PRKDC: variants seen among roughly 807,000 people sequenced by gnomAD.
PRKDC encodes the protein protein kinase, DNA-activated, catalytic subunit, also known as DNA-dependent protein kinase catalytic subunit.
Under a neutral mutation model 486.9 loss-of-function variants are expected in PRKDC, and 82 were observed. The observed-to-expected ratio is 0.17, with a 90% CI of 0.14 to 0.20. The LOEUF (loss-of-function observed/expected upper bound fraction) is 0.20, where lower values mean the gene tolerates loss of function less well. PRKDC is among the 10% of genes least tolerant of loss of function. The pLI is 1.00. For synonymous variants in PRKDC, 1,895 were observed against 1,837.0 expected, an observed-to-expected ratio of 1.03 and a Z score of -0.81; for missense variants, 4,504 against 5,038.2, an observed-to-expected ratio of 0.89 and a Z score of 3.21.
chr8:47,833,146 A>G (rs534727906), intron 59 of PRKDC, among the ~76,000 whole-genome samples: 14 of 152,382 alleles, frequency 9.2e-5, no homozygotes, highest in African/African-American at 3.4e-4. Context: ...AGCACATGCC[A>G]AAAGGTGGGC....
At position 47,803,383 on chromosome 8, in the gene PRKDC, C is replaced by A. The variant is rs758666662; in HGVS notation, c.9845G>T (p.Arg3282Leu). The A allele has an allele frequency of 2.5e-6, 4 of 1,613,974 alleles. No homozygotes were observed. The highest frequency in any genetic ancestry group is 1.7e-5 in the Admixed American group (1 of 60,018). The change falls in exon 70 of 86, where the codon CGC becomes CTC. Residue 3282 changes from arginine (R) to leucine (L), a missense_variant. By Grantham distance (102) the Arg-to-Leu change is moderately radical. Transcript: ENST00000314191. ...WLVSWVQSYCRLSHCRSRSQG... is the reference protein window; with the variant it reads ...WLVSWVQSYCLLSHCRSRSQG... ...GGACCGGCTCCGGCAGTGGCTCAGGCGGCAGTAGCTCTGCACCCAGCTCAC... is the reference window on the plus strand; with the variant it reads ...GGACCGGCTCCGGCAGTGGCTCAGGAGGCAGTAGCTCTGCACCCAGCTCAC...
intron 26 of PRKDC, among the ~76,000 whole-genome samples, chr8:47,904,316 G>A (rs2089734281): frequency 6.6e-6 from 1 of 152,108 alleles, no homozygotes; most frequent in African/African-American, 2.4e-5. Flanking sequence ...GTGCAGTAGC[G>A]CAATCTCAGC....
intron 72 of PRKDC, 87 bp downstream of exon 72, chr8:47,799,123 A>G (rs1039444621): frequency 6.7e-7 from 1 of 1,485,924 alleles, no homozygotes; most frequent in Non-Finnish European, 9.1e-7. Flanking sequence ...TTTGAAAACA[A>G]ACAAAGAGGA....
At chr8:47,924,220 C>T (rs2090119940) in intron 21 of PRKDC, among the ~76,000 whole-genome samples, 1 of 151,938 alleles carries the variant, frequency 6.6e-6, no homozygotes, top group African/African-American at 2.4e-5. Flanking sequence ...ATATATTTTC[C>T]CGGCCCCAGG....
At chr8:47,909,381 T>C (rs1322379946) in intron 25 of PRKDC, among the ~76,000 whole-genome samples, 2 of 152,246 alleles carry the variant, frequency 1.3e-5, no homozygotes, top group African/African-American at 4.8e-5. Flanking sequence ...AATACTCTTA[T>C]AATTTCTTAT....
intron 27 of PRKDC, among the ~76,000 whole-genome samples, chr8:47,902,274 G>C (rs915490289): frequency 2.0e-5 from 3 of 152,120 alleles, no homozygotes; most frequent in Admixed American, 6.5e-5. Flanking sequence ...CAGCAAACTT[G>C]CTCACCCTGG....
chr8:47,955,945 T>A lies in PRKDC; in HGVS notation c.328A>T (p.Thr110Ser), dbSNP rs2090693229. ...TCTTTTGTATAAACACTGGTACAAG[T>A]GTTCTAGGTTTTAAAAAAAAAATAA... ...IAPYSVEIKN[T>S]CTSVYTKDRA... Residue 110 changes from threonine to serine, a missense_variant, in exon 4 of 86, where the codon ACT becomes TCT. Around this residue, in one of 6 missense-constraint regions of PRKDC, gnomAD observed 12 missense variants for 31.1 expected, o/e 0.39. Transcript: ENST00000314191. The A allele has an allele frequency of 6.3e-7, 1 of 1,592,680 alleles. No individual in the cohort carries two copies. Among genetic ancestry groups the A allele is most frequent in the Non-Finnish European group, 8.6e-7 (1 of 1,167,270 alleles).
intron 25 of PRKDC, among the ~76,000 whole-genome samples, chr8:47,909,530 A>G (rs2089857384): frequency 6.6e-6 from 1 of 152,214 alleles, no homozygotes; most frequent in Admixed American, 6.5e-5. Context: ...AAAGAACAGA[A>G]TAACAGCGAT....
Position 47,960,114 on chromosome 8 carries a change from C to T in PRKDC, c.13G>A (p.Gly5Arg). 4 of 1,502,986 alleles carry T rather than the reference C, an allele frequency of 2.7e-6. No homozygotes were observed. The highest frequency in any genetic ancestry group is 1.4e-5 in the African/African-American group (1 of 69,680). The allele number at this position is 1,502,986 out of a possible 1,614,324, so 93.1% of individuals were successfully genotyped here. Residue 5 changes from glycine to arginine, a missense_variant, in exon 1 of 86, where the codon GGA becomes AGA. Around this residue, in one of 6 missense-constraint regions of PRKDC, gnomAD observed 145 missense variants for 136.3 expected, o/e 1.06. Transcript: ENST00000314191. MAGS[G>R]AGVRCSLLRL... is the part of the protein sequence containing the mutation. Reference sequence around the variant, plus strand: ...AGCAGGGAGCAACGCACACCGGCTCCGGAGCCCGCCATGCCGCCGAGTCCC... The same window carrying T: ...AGCAGGGAGCAACGCACACCGGCTCTGGAGCCCGCCATGCCGCCGAGTCCC...
chr8:47,937,164 G>A (rs887012346), intron 11 of PRKDC, among the ~76,000 whole-genome samples: 4 of 151,796 alleles, frequency 2.6e-5, no homozygotes, highest in Non-Finnish European at 5.9e-5. Flanking sequence ...AAGAGGCTGA[G>A]GCAGGAGAAT....
At chr8:47,802,286 T>C (rs2087124059) in intron 70 of PRKDC, among the ~76,000 whole-genome samples, 1 of 152,080 alleles carries the variant, frequency 6.6e-6, no homozygotes, top group Admixed American at 6.5e-5. Context: ...AGAGTGCTTC[T>C]CCTCTAGACA....
intron 23 of PRKDC, among the ~76,000 whole-genome samples, 177 bp from the exon 24 acceptor site, chr8:47,914,241 A>G (rs2089953257): frequency 6.6e-6 from 1 of 152,146 alleles, no homozygotes; most frequent in South Asian, 2.1e-4. Flanking sequence ...ATCAGAAATC[A>G]CTCGATTTAA....
At chr8:47,915,119 C>G (rs2089965963) in intron 23 of PRKDC, among the ~76,000 whole-genome samples, 1 of 152,152 alleles carries the variant, frequency 6.6e-6, no homozygotes, top group South Asian at 2.1e-4. Context: ...ACAAGTCAAG[C>G]TAGAACATAT....
rs1361125466 is a variant in PRKDC at position 47,898,452 on chromosome 8, G to A, written c.3464+18C>T. Reference sequence around the variant, plus strand: ...TTATGTTGTGGGAAAAGACGGAAAAGGAAGCAAGATCACCTACCGCGGCAA... The same window carrying A: ...TTATGTTGTGGGAAAAGACGGAAAAAGAAGCAAGATCACCTACCGCGGCAA... On this transcript the variant is annotated intron_variant, in intron 29 of 85. Coordinates refer to ENST00000314191, the MANE Select transcript of PRKDC (RefSeq NM_006904.7). The A allele has an allele frequency of 1.3e-6, 2 of 1,532,340 alleles. No individual in the cohort carries two copies. The allele number at this position is 1,532,340 out of a possible 1,614,324, so 94.9% of individuals were successfully genotyped here.
intron 59 of PRKDC, among the ~76,000 whole-genome samples, chr8:47,833,626 A>T (rs1465437039): frequency 6.6e-6 from 1 of 152,034 alleles, no homozygotes; most frequent in Non-Finnish European, 1.5e-5. Flanking sequence ...TGCTTCCTAA[A>T]GCTGAAGTTC....
At position 47,953,908 on chromosome 8, in the gene PRKDC, C is replaced by T. The variant is rs2090663830; in HGVS notation, c.520G>A (p.Val174Ile). The change falls in exon 6 of 86, where the codon GTA (valine) becomes ATA (isoleucine). Residue 174 changes from valine (V) to isoleucine (I), a missense_variant. Transcript: ENST00000314191. ...KKIPDTVLEK[V>I]YELLGLLGEV... Reference sequence around the variant, plus strand: ...CCCAATAATCCTAGGAGCTCATATACTTTTTCTAAAACTGAAAAGAAAATT... The same window carrying T: ...CCCAATAATCCTAGGAGCTCATATATTTTTTCTAAAACTGAAAAGAAAATT... The T allele has an allele frequency of 2.0e-6, 3 of 1,529,692 alleles. No individual in the cohort carries two copies. The highest frequency in any genetic ancestry group is 4.1e-5 in the Admixed American group (2 of 49,150). 94.8% of individuals were successfully genotyped at this position (1,529,692 alleles called of 1,614,324 possible).
At chr8:47,936,878 G>A (rs943460426) in intron 11 of PRKDC, among the ~76,000 whole-genome samples, 4 of 149,780 alleles carry the variant, frequency 2.7e-5, no homozygotes, top group Middle Eastern at 6.8e-3. Flanking sequence ...GCCCACCTCA[G>A]CCTCCCAAAG....
At position 47,893,221 on chromosome 8, in the gene PRKDC, G is replaced by A; in HGVS notation, c.3765C>T (p.Cys1255=). 1 of 1,612,838 alleles carries A rather than the reference G, an allele frequency of 6.2e-7. No individual in the cohort carries two copies. The highest frequency in any genetic ancestry group is 1.6e-4 in the Middle Eastern group (1 of 6,062). ...ACGCGGCCAGGAGCAGGTCCAGCCA[G>A]CATAGCGTGGCCTGCAGGCTGAATG... ...RGPFSLQATL[C]WLDLLLAALE... The change falls in exon 31 of 86, where the codon TGC becomes TGT. Residue 1255 remains cysteine (C), a synonymous_variant. Coordinates refer to ENST00000314191, the MANE Select transcript of PRKDC (RefSeq NM_006904.7).
intron 64 of PRKDC, among the ~76,000 whole-genome samples, chr8:47,823,213 G>A (rs1389361250): frequency 1.3e-5 from 2 of 151,930 alleles, no homozygotes; most frequent in African/African-American, 4.8e-5. Context: ...GTGCATGCCT[G>A]AAGTCCCAGC....
Sources: allele counts gnomAD v4.1 joint callset (sites outside exome capture counted in the v4.1 genomes callset), GRCh38; gene constraint gnomAD v4.1.1; regional missense constraint gnomAD v4.1.1; transcripts MANE v1.5; gene names NCBI Gene and HGNC (gene_info 2026-07-23, HGNC 2026-07-21).